The following SAMD5 variants were observed in gnomAD, a reference collection of about 807,000 sequenced individuals.
The protein encoded by SAMD5 is sterile alpha motif domain containing 5, also known as sterile alpha motif domain-containing protein 5.
Under a neutral mutation model 11.3 loss-of-function variants are expected in SAMD5, and 13 were observed. That is an observed-to-expected ratio of 1.15 (90% CI 0.75 to 1.83). SAMD5 has a LOEUF of 1.83. Among genes scored for constraint, SAMD5 ranks in the 40% most tolerant of loss-of-function variants. The probability of loss-of-function intolerance (pLI) is 0.00; values close to 1 mark genes in which losing one functional copy is unlikely to be tolerated. For synonymous variants in SAMD5, 129 were observed against 111.3 expected (o/e 1.16, Z -1.00); for missense variants, 255 against 239.1 (o/e 1.07, Z -0.44).
At chr6:147,827,834 G>C in the SAMD5 span, among the ~76,000 whole-genome samples, 1 of 151,900 alleles carries the variant, frequency 6.6e-6, no homozygotes, top group Admixed American at 6.5e-5. Flanking sequence ...CTGTGGCCCA[G>C]GCTGGAGTGC....
At chr6:147,650,964 T>TATA (rs5880723) in intron 1 of SAMD5, among the ~76,000 whole-genome samples, 1 of 151,636 alleles carries the variant, frequency 6.6e-6, no homozygotes, top group African/African-American at 2.4e-5. Context: ...TTTTATTACT[T>TATA]ATGAATTTCT....
chr6:147,604,502 T>C (rs760722698), intron 1 of SAMD5, among the ~76,000 whole-genome samples: 7 of 152,224 alleles, frequency 4.6e-5, no homozygotes, highest in Non-Finnish European at 7.3e-5. Context: ...AAAAACATAG[T>C]TGGCAGAATT....
At chr6:147,575,792 A>G (rs1271450071) in intron 1 of SAMD5, among the ~76,000 whole-genome samples, 2 of 152,190 alleles carry the variant, frequency 1.3e-5, no homozygotes, top group African/African-American at 2.4e-5. Flanking sequence ...TACACAATAC[A>G]TACCGGTTGT....
intron 1 of SAMD5, among the ~76,000 whole-genome samples, chr6:147,511,188 G>A (rs1312892920): frequency 3.9e-5 from 6 of 152,238 alleles, no homozygotes; most frequent in Admixed American, 2.6e-4. Context: ...CAGGGACACC[G>A]TGGGCTGGAG....
chr6:147,821,615 C>T, the SAMD5 span, among the ~76,000 whole-genome samples: 2 of 152,200 alleles, frequency 1.3e-5, no homozygotes, highest in Non-Finnish European at 2.9e-5. Flanking sequence ...AGTCTGTAAT[C>T]AGTTTGAGAT....
At chr6:147,830,602 G>A in the SAMD5 span, among the ~76,000 whole-genome samples, 52 of 152,126 alleles carry the variant, frequency 3.4e-4, no homozygotes, top group African/African-American at 1.2e-3. Context: ...TAAGAGACAG[G>A]CAGATTGGTG....
At chr6:147,727,668 T>G (rs1338187584) in intron 1 of SAMD5, among the ~76,000 whole-genome samples, 1 of 151,906 alleles carries the variant, frequency 6.6e-6, no homozygotes, top group African/African-American at 2.4e-5. Context: ...CATCTGGCTT[T>G]TTTTTTTTTT....
the SAMD5 span, among the ~76,000 whole-genome samples, chr6:147,819,606 A>G: frequency 0.017 from 2,606 of 152,330 alleles, 52 homozygotes; most frequent in Non-Finnish European, 0.027. Flanking sequence ...ACAAAGGACA[A>G]TGAGTTGTGT....
In SAMD5 at chr6:147,569,110, A is replaced by T; in HGVS notation, c.*4654A>T. 1 of 171,726 alleles carries T rather than the reference A, an allele frequency of 5.8e-6. No homozygotes were observed. The highest frequency in any genetic ancestry group is 1.9e-4 in the East Asian group (1 of 5,260). The allele number at this position is 171,726 out of a possible 1,614,324, so 10.6% of individuals were successfully genotyped here. A position where few individuals can be genotyped will look rare whatever the true frequency, so the allele number is the denominator to read the frequency against. ...CTGAGTGTGGTGGTGTGCGCCTGTA[A>T]TCCCAGCTACTAAGGCAGGAGAATG... is the stretch of plus-strand genomic sequence containing the variant. On this transcript the variant is annotated 3_prime_UTR_variant, in exon 2 of 2. Coordinates refer to ENST00000367474, the MANE Select transcript of SAMD5 (RefSeq NM_001030060.3).
chr6:147,630,736 A>G (rs141214283), intron 1 of SAMD5, among the ~76,000 whole-genome samples: 7 of 152,278 alleles, frequency 4.6e-5, no homozygotes, highest in Non-Finnish European at 1.0e-4. Flanking sequence ...GTCTCTTCAC[A>G]CAGAAGCACA....
chr6:147,947,849 T>G, the SAMD5 span, among the ~76,000 whole-genome samples: 1 of 152,134 alleles, frequency 6.6e-6, no homozygotes, highest in African/African-American at 2.4e-5. Context: ...ATTTTTTAAA[T>G]GCCCTCCATT....
At chr6:147,738,276 G>A (rs571667940), downstream of SAMD5, among the ~76,000 whole-genome samples, 2 of 152,312 alleles carry the variant, frequency 1.3e-5, no homozygotes, top group African/African-American at 2.4e-5. Context: ...TTGGGTTGGT[G>A]TCATCCTGAC....
chr6:147,661,454 G>A (rs1478277569), intron 1 of SAMD5, among the ~76,000 whole-genome samples: 1 of 152,072 alleles, frequency 6.6e-6, no homozygotes, highest in African/African-American at 2.4e-5. Context: ...TGAAGTGTAG[G>A]AGCATCATAT....
chr6:147,614,078 T>C (rs1169655711), intron 1 of SAMD5, among the ~76,000 whole-genome samples: 1 of 151,834 alleles, frequency 6.6e-6, no homozygotes, highest in Non-Finnish European at 1.5e-5. Context: ...GAGAAAAGCC[T>C]GATGGAGGAG....
Position 147,569,939 on chromosome 6 carries a change from T to C in SAMD5, c.*5483T>C. 1.0e-6 allele frequency: 1 copy of C among 982,930 alleles called. No individual in the cohort carries two copies. The highest frequency in any genetic ancestry group is 1.2e-6 in the Non-Finnish European group (1 of 827,596). The allele number at this position is 982,930 out of a possible 1,614,324, so 60.9% of individuals were successfully genotyped here. A position where few individuals can be genotyped will look rare whatever the true frequency, so the allele number is the denominator to read the frequency against. On this transcript the variant is annotated 3_prime_UTR_variant, in exon 2 of 2. Coordinates refer to ENST00000367474, the MANE Select transcript of SAMD5 (RefSeq NM_001030060.3). ...GAAAAGCCTAATTGGAATAGCATTATGAACCATGTAATGCATGCCCATGCA... is the reference window on the plus strand; with the variant it reads ...GAAAAGCCTAATTGGAATAGCATTACGAACCATGTAATGCATGCCCATGCA...
At chr6:147,931,197 T>A in the SAMD5 span, among the ~76,000 whole-genome samples, 1 of 152,308 alleles carries the variant, frequency 6.6e-6, no homozygotes, top group East Asian at 1.9e-4. Flanking sequence ...AGATAAAGTA[T>A]AATAATCATA....
chr6:147,562,935 A>G (rs1788977444), intron 1 of SAMD5, among the ~76,000 whole-genome samples: 2 of 152,218 alleles, frequency 1.3e-5, no homozygotes, highest in Admixed American at 1.3e-4. Context: ...CAAAAGCCCA[A>G]CAACTTGGTT....
chr6:147,689,999 G>C (rs773286798), intron 1 of SAMD5, among the ~76,000 whole-genome samples: 3 of 152,208 alleles, frequency 2.0e-5, no homozygotes, highest in African/African-American at 7.2e-5. Context: ...GATCTGCACA[G>C]TGGGGCCTAT....
chr6:147,508,932 T>C lies in SAMD5; in HGVS notation c.4T>C (p.Cys2Arg), dbSNP rs1337577540. M[C>R]TNIVYEWLKA... ...CGGCGGGGTTCCCGGTCCCACCATG[T>C]GCACCAACATAGTTTACGAGTGGCT... Residue 2 changes from cysteine to arginine, a missense_variant, in exon 1 of 2, where the codon TGC becomes CGC. Physicochemically the swap from Cys to Arg is radical, Grantham distance 180. Coordinates refer to ENST00000367474, the MANE Select transcript of SAMD5 (RefSeq NM_001030060.3). 1.3e-6 allele frequency: 2 copies of C among 1,590,982 alleles called. No individual in the cohort carries two copies. The highest frequency in any genetic ancestry group is 1.4e-5 in the African/African-American group (1 of 73,428).
Sources: allele counts gnomAD v4.1 joint callset (sites outside exome capture counted in the v4.1 genomes callset), GRCh38; gene constraint gnomAD v4.1.1; transcripts MANE v1.5; gene names NCBI Gene and HGNC (gene_info 2026-07-23, HGNC 2026-07-21).